SYCP2: variants seen among roughly 807,000 people sequenced by gnomAD.
SYCP2 encodes the protein synaptonemal complex protein 2.
SYCP2 carries 55 observed loss-of-function variants against 211.3 expected under a neutral mutation model. The observed-to-expected ratio is 0.26, with a 90% CI of 0.21 to 0.33. The LOEUF (loss-of-function observed/expected upper bound fraction) is 0.33. Ranked by LOEUF, SYCP2 falls within the 10% of genes least tolerant of loss-of-function variation. The pLI, the probability that SYCP2 is intolerant of heterozygous loss-of-function variation, is 1.00. For missense variants in SYCP2, 1,731 were observed against 1,752.0 expected (o/e 0.99, Z 0.21); for synonymous variants, 570 against 555.2 (o/e 1.03, Z -0.37).
At chr20:59,908,561 A>G (rs1374662739) in intron 14 of SYCP2, among the ~76,000 whole-genome samples, 2 of 152,230 alleles carry the variant, frequency 1.3e-5, no homozygotes, top group Admixed American at 1.3e-4. Context: ...TCTATTCCCA[A>G]TAATTGTTAT....
chr20:59,892,635 A>G lies in SYCP2; in HGVS notation c.1860T>C (p.Pro620=). Residue 620 remains proline, a synonymous_variant, in exon 23 of 45, where the codon CCT becomes CCC. Coordinates refer to ENST00000357552, the MANE Select transcript of SYCP2 (RefSeq NM_014258.4). ...TATTACATAGTTCAATGTTTGTTAC[A>G]GGTGTCCAACATGCCCATTTGCTGT... ...KIHSKWACWT[P]VTNIELCNNQ... 9 of 1,610,870 alleles carry G rather than the reference A, an allele frequency of 5.6e-6. No individual in the cohort carries two copies. The highest frequency in any genetic ancestry group is 5.9e-6 in the Non-Finnish European group (7 of 1,178,218).
rs371120643 is a variant in SYCP2, at chr20:59,881,508, A to AC, written c.2659-17dup. The AC allele has an allele frequency of 1.6e-4, 220 of 1,391,672 alleles. 1 individual carries two copies. The African/African-American group carries it at 2.6e-3, about 17-fold the overall frequency. 86.2% of individuals were successfully genotyped at this position (1,391,672 alleles called of 1,614,324 possible). A position where few individuals can be genotyped will look rare whatever the true frequency, so the allele number is the denominator to read the frequency against. ...ACTCTTGGATCTATATTGTAAATAA[A>AC]CAAAAAAAAAGAGGTGTCAGTGTCA... On this transcript the variant is annotated splice_polypyrimidine_tract_variant and intron_variant, in intron 28 of 44. Coordinates refer to ENST00000357552, the MANE Select transcript of SYCP2 (RefSeq NM_014258.4).
chr20:59,923,685 G>A (rs943737780), intron 2 of SYCP2, among the ~76,000 whole-genome samples: 20 of 151,424 alleles, frequency 1.3e-4, no homozygotes, highest in Admixed American at 1.3e-3. Flanking sequence ...CTAGTCAAGA[G>A]AGGGAGACTC....
intron 2 of SYCP2, among the ~76,000 whole-genome samples, chr20:59,923,203 G>C (rs188436327): frequency 4.8e-4 from 73 of 152,064 alleles, no homozygotes; most frequent in African/African-American, 1.6e-3. Flanking sequence ...CCTATCTTGT[G>C]TGTTTCTGAC....
In SYCP2 at chr20:59,901,702, G is replaced by T; in HGVS notation, c.1142C>A (p.Thr381Asn). Residue 381 changes from threonine (T) to asparagine (N), a missense_variant, in exon 16 of 45, where the codon ACT becomes AAT. By Grantham distance (65) the Thr-to-Asn change is moderately conservative. This residue lies in a region of SYCP2 where 1,387 missense variants were observed against 1,351.3 expected (regional missense o/e 1.03). Coordinates refer to ENST00000357552, the MANE Select transcript of SYCP2 (RefSeq NM_014258.4). ...ACCAAAAATTTTTTGAGTTACATTAGTGATTTCTAGTGATGCGTCAAAATA... is the reference window on the plus strand; with the variant it reads ...ACCAAAAATTTTTTGAGTTACATTATTGATTTCTAGTGATGCGTCAAAATA... Reference protein sequence around the residue: ...LLYFDASLEITNVTQKIFGAT... With the variant: ...LLYFDASLEINNVTQKIFGAT... The T allele has an allele frequency of 6.3e-7, 1 of 1,598,396 alleles. No individual in the cohort carries two copies. Among genetic ancestry groups the T allele is most frequent in the Non-Finnish European group, 8.5e-7 (1 of 1,171,910 alleles).
At chr20:59,904,965 TAGA>T (rs2060187237) in intron 15 of SYCP2, among the ~76,000 whole-genome samples, 1 of 152,130 alleles carries the variant, frequency 6.6e-6, no homozygotes, top group African/African-American at 2.4e-5. Flanking sequence ...GAAATAATTA[TAGA>T]AGAAAAAATA....
At chr20:59,868,323 T>C (rs1163942855) in intron 38 of SYCP2, 90 bp downstream of exon 38, 3 of 1,369,682 alleles carry the variant, frequency 2.2e-6, no homozygotes, top group Non-Finnish European at 3.0e-6. Context: ...AAGTTGTCTT[T>C]ACAAATTTGT....
At chr20:59,866,825 T>G (rs987450419) in intron 39 of SYCP2, among the ~76,000 whole-genome samples, 4 of 151,116 alleles carry the variant, frequency 2.6e-5, no homozygotes, top group Admixed American at 6.6e-5. Flanking sequence ...ATTGTTTTCA[T>G]AAGAACCCCA....
chr20:59,921,171 G>T, intron 4 of SYCP2, 139 bp downstream of exon 4: 1 of 581,808 alleles, frequency 1.7e-6, no homozygotes, highest in Non-Finnish European at 2.8e-6. Flanking sequence ...ATAAGCAAAT[G>T]GTGAAATAAG....
At chr20:59,924,498 G>A (rs190089312) in intron 2 of SYCP2, among the ~76,000 whole-genome samples, 81 of 152,002 alleles carry the variant, frequency 5.3e-4, no homozygotes, top group African/African-American at 1.9e-3. Flanking sequence ...CAAAGGATCA[G>A]TGCTTGAGGG....
At chr20:59,866,950 C>A (rs2059349217) in intron 39 of SYCP2, among the ~76,000 whole-genome samples, 1 of 142,740 alleles carries the variant, frequency 7.0e-6, no homozygotes, top group Admixed American at 7.3e-5. Context: ...ATAAATCTAG[C>A]TACAGACACA....
chr20:59,915,907 G>A (rs1034031306), intron 8 of SYCP2, among the ~76,000 whole-genome samples: 2 of 152,204 alleles, frequency 1.3e-5, no homozygotes, highest in South Asian at 2.1e-4. Flanking sequence ...CAGGAGAAGC[G>A]CTTGAACCTG....
intron 2 of SYCP2, among the ~76,000 whole-genome samples, chr20:59,923,194 C>T (rs1305265333): frequency 1.3e-5 from 2 of 151,980 alleles, no homozygotes; most frequent in Non-Finnish European, 2.9e-5. Context: ...TCAAACAATC[C>T]TATCTTGTGT....
At chr20:59,877,964 AAAT>A (rs754607009) in intron 32 of SYCP2, 41 bp downstream of exon 32, 3 of 1,482,768 alleles carry the variant, frequency 2.0e-6, no homozygotes, top group African/African-American at 2.8e-5. Flanking sequence ...TGGCAAGAAA[AAAT>A]AATTTTAAAG....
chr20:59,901,679 C>T lies in SYCP2; in HGVS notation c.1165G>A (p.Gly389Ser). ...AGACTTACCCTATGTTTAGTTGCACCAAAAATTTTTTGAGTTACATTAGTG... is the reference window on the plus strand; with the variant it reads ...AGACTTACCCTATGTTTAGTTGCACTAAAAATTTTTTGAGTTACATTAGTG... Reference protein sequence around the residue: ...EITNVTQKIFGATKHRESIRK... With the variant: ...EITNVTQKIFSATKHRESIRK... The change falls in exon 16 of 45, where the codon GGT becomes AGT. Residue 389 changes from glycine (G) to serine (S), a missense_variant. Transcript: ENST00000357552. 1.3e-6 allele frequency: 2 copies of T among 1,571,502 alleles called. No homozygotes were observed. The highest frequency in any genetic ancestry group is 1.8e-5 in the Admixed American group (1 of 55,804).
chr20:59,914,316 AT>A, intron 10 of SYCP2, 65 bp from the exon 11 acceptor site: 1 of 938,352 alleles, frequency 1.1e-6, no homozygotes, highest in Non-Finnish European at 1.6e-6. Flanking sequence ...AAGACCATAT[AT>A]TTTACAAGGT....
At chr20:59,897,962 G>A (rs192895869) in intron 18 of SYCP2, among the ~76,000 whole-genome samples, 1 of 152,242 alleles carries the variant, frequency 6.6e-6, no homozygotes, top group Non-Finnish European at 1.5e-5. Context: ...AAATTAGCCA[G>A]GTGTGGTGGC....
chr20:59,925,824 A>G (rs2060624552), intron 2 of SYCP2, among the ~76,000 whole-genome samples: 1 of 152,088 alleles, frequency 6.6e-6, no homozygotes, highest in Non-Finnish European at 1.5e-5. Flanking sequence ...TCAATCTGTT[A>G]GATTTCTTTT....
At chr20:59,914,903 A>T (rs1437680021) in intron 10 of SYCP2, among the ~76,000 whole-genome samples, 5 of 151,990 alleles carry the variant, frequency 3.3e-5, no homozygotes, top group African/African-American at 1.2e-4. Flanking sequence ...AAGCTATTAA[A>T]TTAAGCTATT....
Sources: allele counts gnomAD v4.1 joint callset (sites outside exome capture counted in the v4.1 genomes callset), GRCh38; gene constraint gnomAD v4.1.1; regional missense constraint gnomAD v4.1.1; transcripts MANE v1.5; gene names NCBI Gene and HGNC (gene_info 2026-07-23, HGNC 2026-07-21).